DNAH7: variants seen among roughly 807,000 people sequenced by gnomAD.
DNAH7 encodes the protein dynein axonemal heavy chain 7, also known as axonemal beta dynein heavy chain 7.
In DNAH7, 397 loss-of-function variants were observed where a neutral mutation model predicts 444.6. The ratio of observed to expected loss-of-function variants is 0.89; its 90% confidence interval spans 0.82 to 0.97. The LOEUF is 0.97. Ranked by LOEUF, DNAH7 falls within the 50% of genes least tolerant of loss-of-function variation. DNAH7 has a pLI of 0.00. For missense variants in DNAH7, 4,902 were observed against 4,800.8 expected (o/e 1.02, Z -0.62); for synonymous variants, 1,636 against 1,624.4 (o/e 1.01, Z -0.17).
chr2:196,045,899 T>C (rs1697091513), intron 5 of DNAH7, among the ~76,000 whole-genome samples: 1 of 151,998 alleles, frequency 6.6e-6, no homozygotes, highest in Middle Eastern at 3.2e-3. Context: ...GAAGTCCACA[T>C]ATATGAGAAA....
intron 18 of DNAH7, among the ~76,000 whole-genome samples, chr2:195,958,940 A>G (rs1046880468): frequency 6.6e-6 from 1 of 152,190 alleles, no homozygotes; most frequent in Non-Finnish European, 1.5e-5. Flanking sequence ...GAGATAACAT[A>G]GTCATAAGGA....
At chr2:195,923,006 C>A (rs1688119478) in intron 23 of DNAH7, among the ~76,000 whole-genome samples, 1 of 152,066 alleles carries the variant, frequency 6.6e-6, no homozygotes, top group Non-Finnish European at 1.5e-5. Flanking sequence ...GGGCTACAAG[C>A]ACGCCCCACC....
At chr2:195,802,392 C>T (rs570415396) in intron 54 of DNAH7, among the ~76,000 whole-genome samples, 111 of 152,062 alleles carry the variant, frequency 7.3e-4, no homozygotes, top group African/African-American at 2.4e-3. Context: ...TCCAGCTACT[C>T]GAGAAGCTGA....
intron 29 of DNAH7, 63 bp from the exon 30 acceptor site, chr2:195,895,287 T>C: frequency 2.6e-6 from 3 of 1,166,350 alleles, no homozygotes; most frequent in Non-Finnish European, 3.5e-6. Flanking sequence ...AAATATTTTG[T>C]ATTGATGGAA....
chr2:195,899,975 T>A (rs1686597591), intron 28 of DNAH7, among the ~76,000 whole-genome samples: 1 of 152,206 alleles, frequency 6.6e-6, no homozygotes. Flanking sequence ...CATTTAATGC[T>A]ATATTTGTTT....
At chr2:196,053,215 AG>A (rs1475905895) in intron 2 of DNAH7, among the ~76,000 whole-genome samples, 1 of 152,242 alleles carries the variant, frequency 6.6e-6, no homozygotes, top group Non-Finnish European at 1.5e-5. Context: ...AATAAAAGGT[AG>A]GGGAAGAACA....
chr2:195,848,893 A>G (rs114075407), intron 46 of DNAH7, among the ~76,000 whole-genome samples: 2,797 of 152,290 alleles, frequency 0.018, 77 homozygotes, highest in African/African-American at 0.063. Flanking sequence ...TACTTACAAG[A>G]AAGAATTCTG....
At chr2:195,937,179 T>C (rs1489680290) in intron 19 of DNAH7, among the ~76,000 whole-genome samples, 1 of 152,198 alleles carries the variant, frequency 6.6e-6, no homozygotes, top group Non-Finnish European at 1.5e-5. Flanking sequence ...TCATTATAAT[T>C]ATTATTTTGA....
At chr2:195,950,851 CAAA>C (rs67782183) in intron 19 of DNAH7, among the ~76,000 whole-genome samples, 3,317 of 36,354 alleles carry the variant, frequency 0.091, 31 homozygotes, top group African/African-American at 0.12. Context: ...GACTCTGTCT[CAAA>C]AAAAAAAAAA....
chr2:195,766,167 A>ATTTTTTTTTTTT lies in DNAH7; in HGVS notation c.11433+5481_11433+5492dup, dbSNP rs755912873. ...GTTCTCGTTTAATTTGTGGGAGCTAATTTTTTTTTTTTTTTTTTTTTTTTG... is the reference window on the plus strand; with the variant it reads ...GTTCTCGTTTAATTTGTGGGAGCTAATTTTTTTTTTTTTTTTTTTTTTTTTTTTTTTTTTTTG... On this transcript the variant is annotated intron_variant, in intron 61 of 64. Transcript: ENST00000312428. Among the ~76,000 whole-genome samples the ATTTTTTTTTTTT allele has an allele frequency of 1.0e-3, 58 of 57,328 alleles. 5 individuals are homozygous for ATTTTTTTTTTTT. Among genetic ancestry groups the ATTTTTTTTTTTT allele is most frequent in the African/African-American group, 1.5e-3 (26 of 16,906 alleles). The allele number at this position is 57,328 out of a possible 152,430, so 37.6% of individuals were successfully genotyped here.
chr2:196,043,047 G>C (rs1325574187), intron 5 of DNAH7, among the ~76,000 whole-genome samples: 2 of 152,108 alleles, frequency 1.3e-5, no homozygotes, highest in South Asian at 4.1e-4. Flanking sequence ...ATTACCTGGG[G>C]CAACCAGTGG....
chr2:195,742,192 T>C (rs1441052360), intron 63 of DNAH7, among the ~76,000 whole-genome samples: 1 of 152,158 alleles, frequency 6.6e-6, no homozygotes, highest in Non-Finnish European at 1.5e-5. Flanking sequence ...GCAGAGCACA[T>C]TCTGCGTCTT....
At chr2:195,992,262 C>T (rs1693390157) in intron 12 of DNAH7, among the ~76,000 whole-genome samples, 1 of 152,198 alleles carries the variant, frequency 6.6e-6, no homozygotes, top group African/African-American at 2.4e-5. Flanking sequence ...CTCCTCCACC[C>T]CAATGCTTCC....
chr2:195,817,638 A>G, intron 50 of DNAH7, 58 bp downstream of exon 50: 1 of 1,489,810 alleles, frequency 6.7e-7, no homozygotes, highest in Non-Finnish European at 9.0e-7. Context: ...AATGTATTTT[A>G]ATTCATTCTA....
chr2:195,971,916 T>C (rs188669105), intron 16 of DNAH7, among the ~76,000 whole-genome samples: 1 of 152,184 alleles, frequency 6.6e-6, no homozygotes, highest in East Asian at 1.9e-4. Context: ...AAACCGAAAA[T>C]AGTACTATAA....
intron 60 of DNAH7, among the ~76,000 whole-genome samples, chr2:195,772,525 A>T (rs888481484): frequency 1.3e-5 from 2 of 151,852 alleles, no homozygotes; most frequent in Non-Finnish European, 2.9e-5. Flanking sequence ...ATGAATCTAT[A>T]TTTTCTGAAA....
chr2:195,855,646 T>C (rs1699650077), intron 45 of DNAH7, among the ~76,000 whole-genome samples, 165 bp downstream of exon 45: 2 of 152,206 alleles, frequency 1.3e-5, no homozygotes, highest in Non-Finnish European at 2.9e-5. Context: ...TATTAGCTCT[T>C]GGGCCACACG....
intron 2 of DNAH7, among the ~76,000 whole-genome samples, chr2:196,057,673 T>C (rs1008884533): frequency 6.6e-6 from 1 of 152,202 alleles, no homozygotes; most frequent in Admixed American, 6.5e-5. Context: ...CATTACACAG[T>C]TCATGCTGAG....
chr2:195,978,985 AAT>A (rs1692385163), intron 15 of DNAH7, among the ~76,000 whole-genome samples: 1 of 152,140 alleles, frequency 6.6e-6, no homozygotes, highest in Non-Finnish European at 1.5e-5. Flanking sequence ...TGGAGACTTA[AAT>A]ATCCCATTTC....
Sources: allele counts gnomAD v4.1 joint callset (sites outside exome capture counted in the v4.1 genomes callset), GRCh38; gene constraint gnomAD v4.1.1; transcripts MANE v1.5; gene names NCBI Gene and HGNC (gene_info 2026-07-23, HGNC 2026-07-21).